Variants in WASF1 observed in about 807,000 individuals in gnomAD.
The protein encoded by WASF1 is actin-binding protein WASF1.
A neutral mutation model predicts 50.5 loss-of-function variants in WASF1; 7 were observed. The observed-to-expected ratio is 0.14, with a 90% CI of 0.08 to 0.26. The LOEUF (loss-of-function observed/expected upper bound fraction) is 0.26, where lower values mean the gene tolerates loss of function less well. Ranked by LOEUF, WASF1 falls within the 10% of genes least tolerant of loss-of-function variation. The probability of loss-of-function intolerance (pLI) is 1.00; values close to 1 mark genes in which losing one functional copy is unlikely to be tolerated. For synonymous variants in WASF1, 205 were observed against 244.0 expected (o/e 0.84, Z 1.49); for missense variants, 470 against 694.7 (o/e 0.68, Z 3.64).
intron 2 of WASF1, among the ~76,000 whole-genome samples, chr6:110,162,733 C>T (rs558797033): frequency 1.1e-4 from 17 of 151,520 alleles, no homozygotes; most frequent in African/African-American, 2.4e-4. Flanking sequence ...TAAAACTCTC[C>T]GCAAACTAGG....
chr6:110,140,884 T>C (rs540049810), intron 3 of WASF1, among the ~76,000 whole-genome samples: 28 of 152,240 alleles, frequency 1.8e-4, no homozygotes, highest in Non-Finnish European at 3.4e-4. Context: ...TGTCAACGGT[T>C]GAAAGTCAGG....
chr6:110,118,390 A>G (rs1022867210), intron 4 of WASF1, among the ~76,000 whole-genome samples: 4 of 148,206 alleles, frequency 2.7e-5, no homozygotes, highest in African/African-American at 1.0e-4. Flanking sequence ...CAGGGTTTGC[A>G]ATCCTAGTCT....
At chr6:110,155,238 T>C (rs1047804735) in intron 3 of WASF1, among the ~76,000 whole-genome samples, 2 of 152,114 alleles carry the variant, frequency 1.3e-5, no homozygotes, top group African/African-American at 2.4e-5. Flanking sequence ...GGCCTCGATA[T>C]ACCAATATAC....
intron 2 of WASF1, among the ~76,000 whole-genome samples, chr6:110,165,151 A>G (rs981905774): frequency 2.6e-5 from 4 of 151,628 alleles, no homozygotes; most frequent in African/African-American, 7.3e-5. Context: ...AACCCATCAA[A>G]TGTACAACAC....
intron 3 of WASF1, among the ~76,000 whole-genome samples, chr6:110,135,874 A>ATTT (rs1774936651): frequency 9.0e-6 from 1 of 110,846 alleles, no homozygotes; most frequent in Non-Finnish European, 1.9e-5. Context: ...ACAGTCCATT[A>ATTT]TCTTTTTTTT....
At chr6:110,142,653 C>T (rs566375756) in intron 3 of WASF1, among the ~76,000 whole-genome samples, 1 of 151,956 alleles carries the variant, frequency 6.6e-6, no homozygotes, top group South Asian at 2.1e-4. Flanking sequence ...AAAAGAAACC[C>T]TAAATGCTAA....
In WASF1 at chr6:110,103,306, T is replaced by C. The variant is rs577284223; in HGVS notation, c.893+72A>G. ...GTAAGGCCCGAAAGCCAAAAATACT[T>C]ACTATATCGTCCTTGAAAGAAAAAG... On this transcript the variant is annotated intron_variant, in intron 9 of 10. Transcript: ENST00000392589. The C allele has an allele frequency of 4.0e-6, 6 of 1,495,292 alleles. No homozygotes were observed. The East Asian group carries it at 7.0e-5, about 17-fold the overall frequency. The allele number at this position is 1,495,292 out of a possible 1,614,324, so 92.6% of individuals were successfully genotyped here. A position where few individuals can be genotyped will look rare whatever the true frequency, so the allele number is the denominator to read the frequency against.
chr6:110,177,405 C>T (rs1722154691), intron 2 of WASF1, among the ~76,000 whole-genome samples: 1 of 152,044 alleles, frequency 6.6e-6, no homozygotes, highest in Non-Finnish European at 1.5e-5. Flanking sequence ...AGTTCAGAGG[C>T]ATACCTCTCC....
chr6:110,176,945 T>C (rs1478417368), intron 2 of WASF1, among the ~76,000 whole-genome samples: 1 of 152,120 alleles, frequency 6.6e-6, no homozygotes, highest in African/African-American at 2.4e-5. Context: ...AATAACATAA[T>C]CTTTTGATAG....
intron 3 of WASF1, among the ~76,000 whole-genome samples, chr6:110,143,075 A>G (rs1775334331): frequency 6.6e-6 from 1 of 151,922 alleles, no homozygotes; most frequent in Non-Finnish European, 1.5e-5. Context: ...GAGTACGTAA[A>G]CTAAAGAATA....
chr6:110,134,716 G>A (rs943302249), intron 3 of WASF1, among the ~76,000 whole-genome samples: 13 of 152,140 alleles, frequency 8.5e-5, no homozygotes, highest in Admixed American at 4.6e-4. Context: ...GTGAGCCACC[G>A]CACCCGGCCT....
At chr6:110,177,207 G>A (rs1268671402) in intron 2 of WASF1, 7 of 151,762 alleles carry the variant, frequency 4.6e-5, no homozygotes, top group Admixed American at 2.0e-4. Context: ...GTAACAAAAA[G>A]GGCCTTAATA....
At chr6:110,155,440 GA>G (rs1223766736) in intron 3 of WASF1, among the ~76,000 whole-genome samples, 1 of 139,266 alleles carries the variant, frequency 7.2e-6, no homozygotes, top group African/African-American at 2.6e-5. Context: ...AATTTGAACA[GA>G]AAAAAAATCT....
intron 3 of WASF1, among the ~76,000 whole-genome samples, chr6:110,135,031 C>T (rs144308659): frequency 6.6e-6 from 1 of 152,230 alleles, no homozygotes; most frequent in East Asian, 1.9e-4. Flanking sequence ...TTTGTGTTTT[C>T]TATAATTTCT....
chr6:110,162,765 C>G (rs999772023), intron 2 of WASF1, among the ~76,000 whole-genome samples: 2 of 151,554 alleles, frequency 1.3e-5, no homozygotes, highest in African/African-American at 4.8e-5. Context: ...ACTTCCTCAA[C>G]TTGAAAAGAA....
intron 3 of WASF1, among the ~76,000 whole-genome samples, chr6:110,132,245 A>G (rs906690162): frequency 2.0e-5 from 3 of 151,990 alleles, no homozygotes; most frequent in African/African-American, 4.8e-5. Context: ...ACCTATCTGC[A>G]ATTATTTTGG....
intron 4 of WASF1, among the ~76,000 whole-genome samples, chr6:110,120,718 T>C (rs1307925429): frequency 6.6e-6 from 1 of 152,182 alleles, no homozygotes; most frequent in Non-Finnish European, 1.5e-5. Flanking sequence ...AAAAAGAGCC[T>C]GCATAGCCAA....
intron 5 of WASF1, among the ~76,000 whole-genome samples, chr6:110,109,767 G>C (rs923877808): frequency 2.0e-5 from 3 of 150,578 alleles, no homozygotes; most frequent in African/African-American, 7.3e-5. Flanking sequence ...TCACTATGTT[G>C]GCCAGGCTGG....
At chr6:110,170,055 A>C (rs1776638520) in intron 2 of WASF1, among the ~76,000 whole-genome samples, 1 of 152,200 alleles carries the variant, frequency 6.6e-6, no homozygotes, top group South Asian at 2.1e-4. Context: ...GATAAAAATT[A>C]GATTGGACTT....
Sources: allele counts gnomAD v4.1 joint callset (sites outside exome capture counted in the v4.1 genomes callset), GRCh38; gene constraint gnomAD v4.1.1; transcripts MANE v1.5; gene names NCBI Gene and HGNC (gene_info 2026-07-23, HGNC 2026-07-21).